The following FMN1 variants were observed in gnomAD, a reference collection of about 807,000 sequenced individuals.
The protein encoded by FMN1 is formin-1.
FMN1 carries 110 observed loss-of-function variants against 132.4 expected under a neutral mutation model. The observed-to-expected ratio is 0.83, with a 90% CI of 0.71 to 0.97. The LOEUF is 0.97. Ranked by LOEUF, FMN1 falls within the 50% of genes least tolerant of loss-of-function variation. FMN1 has a pLI of 0.00. For synonymous variants in FMN1, 722 were observed against 651.7 expected, an observed-to-expected ratio of 1.11 and a Z score of -1.64; for missense variants, 1,792 against 1,705.3, an observed-to-expected ratio of 1.05 and a Z score of -0.90.
intron 4 of FMN1, among the ~76,000 whole-genome samples, chr15:33,112,242 T>C (rs1450254854): frequency 1.3e-5 from 2 of 152,114 alleles, no homozygotes; most frequent in African/African-American, 4.8e-5. Flanking sequence ...ATTAAAGAGA[T>C]GGTATATAAA....
At chr15:32,814,975 C>G (rs2058007587) in intron 17 of FMN1, among the ~76,000 whole-genome samples, 1 of 152,018 alleles carries the variant, frequency 6.6e-6, no homozygotes, top group African/African-American at 2.4e-5. Context: ...CAGAGTCTCG[C>G]TCTGTCGCCC....
intron 10 of FMN1, among the ~76,000 whole-genome samples, chr15:32,911,043 A>G (rs966520710): frequency 2.6e-5 from 4 of 152,250 alleles, no homozygotes; most frequent in African/African-American, 9.6e-5. Context: ...AAAGACAAGA[A>G]AAAACAATAA....
chr15:32,986,994 T>C (rs1191509877), intron 7 of FMN1, among the ~76,000 whole-genome samples: 1 of 152,180 alleles, frequency 6.6e-6, no homozygotes, highest in Non-Finnish European at 1.5e-5. Context: ...AACATTTAAC[T>C]ATCCTATTCA....
intron 6 of FMN1, among the ~76,000 whole-genome samples, chr15:33,047,491 C>A (rs890035708): frequency 1.3e-5 from 2 of 152,202 alleles, no homozygotes; most frequent in African/African-American, 4.8e-5. Context: ...TACTCAAGTT[C>A]TAACAGCCTG....
rs2056086568 is a variant in FMN1 at position 32,767,466 on chromosome 15, A to G, written c.*6844T>C. 1 of 152,200 alleles carries G rather than the reference A, an allele frequency of 6.6e-6. No individual in the cohort carries two copies. The allele number at this position is 152,200 out of a possible 1,614,324, so 9.4% of individuals were successfully genotyped here. ...TGCTTATTTTCCAGGCCAAAGCACG[A>G]TCCCCTAAATCAAAGTCCAAGGCCA... On this transcript the variant is annotated 3_prime_UTR_variant, in exon 21 of 21. Transcript: ENST00000616417.
intron 4 of FMN1, among the ~76,000 whole-genome samples, chr15:33,089,414 C>A (rs1295354637): frequency 2.0e-5 from 3 of 152,208 alleles, no homozygotes; most frequent in African/African-American, 7.2e-5. Flanking sequence ...GGAACAGAAT[C>A]ATTATGCATG....
Position 32,894,283 on chromosome 15 carries a change from G to A in FMN1, c.3714+4551C>T, listed in dbSNP as rs376827569. Among the ~76,000 whole-genome samples the A allele has an allele frequency of 2.1e-3, 320 of 152,074 alleles. 2 individuals carry two copies. Among genetic ancestry groups the A allele is most frequent in the African/African-American group, 7.5e-3 (311 of 41,496 alleles). ...GTGGATCACTTGAGGTCAGGAGTTC[G>A]AGACCAGCCTGGCCAACATAGTGAA... is the stretch of plus-strand genomic sequence containing the variant. On this transcript the variant is annotated intron_variant, in intron 15 of 20. Transcript: ENST00000616417.
At chr15:32,890,759 T>C (rs892106142) in intron 15 of FMN1, among the ~76,000 whole-genome samples, 1 of 152,170 alleles carries the variant, frequency 6.6e-6, no homozygotes, top group African/African-American at 2.4e-5. Flanking sequence ...TCCCAACTAC[T>C]TATCTTTGTT....
chr15:33,076,102 G>C (rs758610357), intron 5 of FMN1, among the ~76,000 whole-genome samples: 24 of 152,196 alleles, frequency 1.6e-4, no homozygotes, highest in Non-Finnish European at 2.6e-4. Context: ...GACTTCTGAA[G>C]CTGGGGGGCA....
chr15:32,829,519 AGAATGGTGG>A (rs1172161876), intron 17 of FMN1, among the ~76,000 whole-genome samples: 3 of 152,222 alleles, frequency 2.0e-5, no homozygotes, highest in Non-Finnish European at 2.9e-5. Context: ...CTGCTGGAGT[AGAATGGTGG>A]GAATCTAATC....
chr15:32,881,302 T>C (rs989667326), intron 16 of FMN1, among the ~76,000 whole-genome samples: 27 of 152,164 alleles, frequency 1.8e-4, no homozygotes, highest in African/African-American at 6.3e-4. Flanking sequence ...ATAGTAAAAG[T>C]TGGATTGCTT....
intron 7 of FMN1, among the ~76,000 whole-genome samples, chr15:32,992,468 T>C (rs1292269401): frequency 6.6e-6 from 1 of 152,170 alleles, no homozygotes; most frequent in Non-Finnish European, 1.5e-5. Context: ...CCCTCAGGAC[T>C]AACTGAAAAT....
chr15:33,168,807 C>A (rs1382975939), intron 3 of FMN1, among the ~76,000 whole-genome samples: 1 of 152,148 alleles, frequency 6.6e-6, no homozygotes, highest in Non-Finnish European at 1.5e-5. Context: ...AGCCGCTATT[C>A]CTTGATATTG....
At chr15:32,827,814 AGCCT>A (rs949325112) in intron 17 of FMN1, among the ~76,000 whole-genome samples, 11 of 151,924 alleles carry the variant, frequency 7.2e-5, no homozygotes, top group Non-Finnish European at 1.0e-4. Flanking sequence ...ACTGCACTCC[AGCCT>A]GGGTGACAGA....
chr15:33,091,996 C>G (rs1466890872), intron 4 of FMN1, among the ~76,000 whole-genome samples: 1 of 152,140 alleles, frequency 6.6e-6, no homozygotes, highest in Non-Finnish European at 1.5e-5. Flanking sequence ...CTGTTTTGTA[C>G]TCAGTATTAG....
intron 7 of FMN1, among the ~76,000 whole-genome samples, chr15:32,993,153 C>T (rs1299123295): frequency 6.6e-6 from 1 of 152,154 alleles, no homozygotes; most frequent in Non-Finnish European, 1.5e-5. Flanking sequence ...GAATACGATT[C>T]ATTCAGAGAA....
At chr15:32,893,499 T>G (rs1478469548) in intron 15 of FMN1, among the ~76,000 whole-genome samples, 1 of 152,238 alleles carries the variant, frequency 6.6e-6, no homozygotes, top group Non-Finnish European at 1.5e-5. Flanking sequence ...ATGGGTTTCT[T>G]TAAATTTCAC....
intron 6 of FMN1, among the ~76,000 whole-genome samples, chr15:33,034,037 C>T (rs1328156510): frequency 2.0e-5 from 3 of 152,102 alleles, no homozygotes; most frequent in Admixed American, 6.5e-5. Context: ...TTCTCCTCTA[C>T]GTTCACCATC....
At chr15:33,012,208 C>A in intron 6 of FMN1, 1 of 637,636 alleles carries the variant, frequency 1.6e-6, no homozygotes, top group South Asian at 1.5e-5. Context: ...CGATAAGTGC[C>A]TGAGGAATCA....
Sources: gnomAD v4.1 joint callset for allele counts (sites outside exome capture counted in the v4.1 genomes callset) on GRCh38, gnomAD v4.1.1 for gene constraint, MANE v1.5 for transcripts, NCBI Gene and HGNC (gene_info 2026-07-23, HGNC 2026-07-21) for gene names.